ERBB4: variants seen among roughly 807,000 people sequenced by gnomAD.
The protein encoded by ERBB4 is erb-b2 receptor tyrosine kinase 4.
A neutral mutation model predicts 158.0 loss-of-function variants in ERBB4; 42 were observed. The observed-to-expected ratio is 0.27, with a 90% confidence interval of 0.21 to 0.34. The LOEUF is 0.34. Among genes scored for constraint, ERBB4 ranks in the 10% least tolerant of loss-of-function variants. The probability of loss-of-function intolerance (pLI) is 1.00; values close to 1 mark genes in which losing one functional copy is unlikely to be tolerated. For missense variants in ERBB4, 1,333 were observed against 1,624.1 expected (o/e 0.82, Z 3.08); for synonymous variants, 583 against 558.7 (o/e 1.04, Z -0.61).
intron 2 of ERBB4, among the ~76,000 whole-genome samples, chr2:212,019,095 G>A (rs989004147): frequency 1.3e-5 from 2 of 152,012 alleles, no homozygotes; most frequent in African/African-American, 4.8e-5. Context: ...TCATCCTCCC[G>A]AAGCACAGAG....
intron 17 of ERBB4, among the ~76,000 whole-genome samples, chr2:211,628,275 A>C (rs188132152): frequency 2.6e-5 from 4 of 152,050 alleles, no homozygotes; most frequent in African/African-American, 9.6e-5. Context: ...CCATTAACTC[A>C]TCATTTAACA....
chr2:212,322,773 G>A (rs1454888854), intron 1 of ERBB4, among the ~76,000 whole-genome samples: 1 of 150,242 alleles, frequency 6.7e-6, no homozygotes, highest in Admixed American at 6.6e-5. Context: ...TGAGAAATTG[G>A]GGCTACAAAT....
chr2:211,660,419 TTCATGA>T (rs1290341291), intron 15 of ERBB4, among the ~76,000 whole-genome samples: 1 of 152,250 alleles, frequency 6.6e-6, no homozygotes, highest in African/African-American at 2.4e-5. Context: ...GAGCAGTTGA[TTCATGA>T]AAGTGAAATG....
At chr2:212,359,194 T>A (rs1186790165) in intron 1 of ERBB4, among the ~76,000 whole-genome samples, 2 of 151,624 alleles carry the variant, frequency 1.3e-5, no homozygotes, top group Non-Finnish European at 3.0e-5. Context: ...TATTAAATAC[T>A]ATTGTATATA....
intron 20 of ERBB4, among the ~76,000 whole-genome samples, chr2:211,490,685 AAG>A (rs1435480630): frequency 1.3e-5 from 2 of 152,040 alleles, no homozygotes; most frequent in African/African-American, 4.8e-5. Context: ...TTGTGAGACG[AAG>A]AAGTATGGGA....
At chr2:212,039,073 T>G (rs2077080510) in intron 2 of ERBB4, among the ~76,000 whole-genome samples, 1 of 152,100 alleles carries the variant, frequency 6.6e-6, no homozygotes, top group Non-Finnish European at 1.5e-5. Context: ...AAATAAAAAT[T>G]TATTTTCTCA....
At chr2:211,906,495 G>A (rs2079396340) in intron 3 of ERBB4, among the ~76,000 whole-genome samples, 2 of 151,914 alleles carry the variant, frequency 1.3e-5, no homozygotes, top group Admixed American at 1.3e-4. Flanking sequence ...GTCAGAGTAC[G>A]ATCTAAGTTT....
At chr2:211,453,624 G>A (rs1446877233) in intron 20 of ERBB4, among the ~76,000 whole-genome samples, 2 of 152,138 alleles carry the variant, frequency 1.3e-5, no homozygotes, top group African/African-American at 2.4e-5. Flanking sequence ...TAGCATTAGA[G>A]TGCTTTGGAT....
In ERBB4 at chr2:212,496,586, G is replaced by T. The variant is rs73989028; in HGVS notation, c.82+41863C>A. Among the ~76,000 whole-genome samples the T allele has an allele frequency of 3.9e-5, 6 of 152,262 alleles. No individual in the cohort carries two copies. The East Asian group carries it at 9.6e-4, about 24-fold the overall frequency. On this transcript the variant is annotated intron_variant, in intron 1 of 27. Transcript: ENST00000342788. ...TCCTAACACACATATTATAATGGGA[G>T]ACTACTATAAGATAAAATTTTGTCC...
intron 2 of ERBB4, among the ~76,000 whole-genome samples, chr2:212,004,789 TA>T (rs1191291003): frequency 2.0e-5 from 3 of 152,060 alleles, no homozygotes; most frequent in African/African-American, 4.8e-5. Flanking sequence ...ATTTATATTA[TA>T]AAACTAATCC....
chr2:211,764,558 G>T (rs550438242), intron 4 of ERBB4, among the ~76,000 whole-genome samples: 2 of 152,320 alleles, frequency 1.3e-5, no homozygotes, highest in Admixed American at 1.3e-4. Flanking sequence ...TAGGAGGAAA[G>T]TACTACTACA....
chr2:211,459,232 T>C (rs1559189104), intron 20 of ERBB4, among the ~76,000 whole-genome samples: 1 of 152,196 alleles, frequency 6.6e-6, no homozygotes, highest in Non-Finnish European at 1.5e-5. Flanking sequence ...TTATAATCAA[T>C]CTTGTTCCAA....
chr2:212,347,663 T>C (rs960012361), intron 1 of ERBB4, among the ~76,000 whole-genome samples: 9 of 152,132 alleles, frequency 5.9e-5, no homozygotes, highest in Admixed American at 2.0e-4. Flanking sequence ...CAGTTGAGGA[T>C]CCCAAATCCA....
chr2:212,426,712 C>T (rs1209690732), intron 1 of ERBB4, among the ~76,000 whole-genome samples: 1 of 152,076 alleles, frequency 6.6e-6, no homozygotes, highest in East Asian at 1.9e-4. Context: ...CACACAATCA[C>T]CCCTTTTGAA....
At chr2:211,876,046 T>G (rs2078490783) in intron 3 of ERBB4, among the ~76,000 whole-genome samples, 1 of 152,136 alleles carries the variant, frequency 6.6e-6, no homozygotes, top group Non-Finnish European at 1.5e-5. Flanking sequence ...AAGCAACACA[T>G]GACTGTACTT....
At chr2:212,009,159 C>T (rs1011056263) in intron 2 of ERBB4, among the ~76,000 whole-genome samples, 5 of 152,018 alleles carry the variant, frequency 3.3e-5, no homozygotes, top group Admixed American at 2.0e-4. Flanking sequence ...GTCCCCCAAC[C>T]CCCCAAAAAG....
intron 3 of ERBB4, among the ~76,000 whole-genome samples, chr2:211,886,208 T>C (rs1053266581): frequency 6.6e-6 from 1 of 152,214 alleles, no homozygotes; most frequent in Admixed American, 6.5e-5. Context: ...TTCACATTAT[T>C]AACCTTTAGT....
At chr2:211,620,441 G>A (rs188322701) in intron 18 of ERBB4, among the ~76,000 whole-genome samples, 1 of 152,170 alleles carries the variant, frequency 6.6e-6, no homozygotes, top group Non-Finnish European at 1.5e-5. Flanking sequence ...ATATGTATTT[G>A]TGTTACTCAA....
chr2:211,396,341 C>T (rs1301406606), intron 25 of ERBB4, among the ~76,000 whole-genome samples: 1 of 151,878 alleles, frequency 6.6e-6, no homozygotes, highest in Non-Finnish European at 1.5e-5. Context: ...TTATGTTTCA[C>T]ATGCAGATAT....
Sources: gnomAD v4.1 joint callset for allele counts (sites outside exome capture counted in the v4.1 genomes callset) on GRCh38, gnomAD v4.1.1 for gene constraint, MANE v1.5 for transcripts, NCBI Gene and HGNC (gene_info 2026-07-23, HGNC 2026-07-21) for gene names.